DCHS2: variants seen among roughly 807,000 people sequenced by gnomAD.
DCHS2 encodes the protein protocadherin-23.
Under a neutral mutation model 182.4 loss-of-function variants are expected in DCHS2, and 142 were observed. The ratio of observed to expected loss-of-function variants is 0.78; its 90% CI spans 0.68 to 0.89. DCHS2 has a LOEUF of 0.89. Among genes scored for constraint, DCHS2 ranks in the 40% least tolerant of loss-of-function variants. The pLI, the probability that DCHS2 is intolerant of heterozygous loss-of-function variation, is 0.00. For missense variants in DCHS2, 4,319 were observed against 4,198.6 expected (o/e 1.03, Z -0.79); for synonymous variants, 1,740 against 1,663.3 (o/e 1.05, Z -1.12).
At position 154,333,309 on chromosome 4, in the gene DCHS2, T is replaced by C. The variant is rs1327103132; in HGVS notation, c.2899A>G (p.Ile967Val). The C allele has an allele frequency of 6.2e-7, 1 of 1,614,094 alleles. No individual in the cohort carries two copies. The highest frequency in any genetic ancestry group is 1.1e-5 in the South Asian group (1 of 91,082). Residue 967 changes from isoleucine (I) to valine (V), a missense_variant, in exon 5 of 20, where the codon ATA (isoleucine) becomes GTA (valine). Coordinates refer to ENST00000357232, the MANE Select transcript of DCHS2 (RefSeq NM_001358235.2). Reference protein sequence around the residue: ...APACSSTEVNITVMDVNDNHP... With the variant: ...APACSSTEVNVTVMDVNDNHP... ...TTGTCATTGACATCCATGACTGTTA[T>C]GTTGACCTCGGTGCTGCTGCAGGCT...
chr4:154,343,554 T>C (rs974070352), intron 3 of DCHS2: 1 of 1,528,934 alleles, frequency 6.5e-7, no homozygotes, highest in African/African-American at 1.4e-5. Flanking sequence ...CACTTTTAGG[T>C]AATGGAGATG....
chr4:154,414,239 A>G (rs1027236471), intron 1 of DCHS2, among the ~76,000 whole-genome samples: 9 of 151,818 alleles, frequency 5.9e-5, no homozygotes, highest in Non-Finnish European at 8.8e-5. Flanking sequence ...TCAGAGTGAT[A>G]TCTCTTTATG....
intron 16 of DCHS2, among the ~76,000 whole-genome samples, chr4:154,252,970 G>GAGAC (rs1732455906): frequency 6.6e-6 from 1 of 152,034 alleles, no homozygotes; most frequent in African/African-American, 2.4e-5. Context: ...GAAGCTAAAT[G>GAGAC]AGACTGTTTC....
intron 3 of DCHS2, among the ~76,000 whole-genome samples, chr4:154,352,224 ATCACCCCACAAG>A (rs1423987946): frequency 6.6e-6 from 1 of 152,202 alleles, no homozygotes; most frequent in African/African-American, 2.4e-5. Context: ...CGCTAGTGCC[ATCACCCCACAAG>A]TCACCCCAAC....
intron 1 of DCHS2, among the ~76,000 whole-genome samples, chr4:154,401,125 TG>T (rs1418305738): frequency 6.6e-6 from 1 of 152,254 alleles, no homozygotes; most frequent in Non-Finnish European, 1.5e-5. Context: ...AGATTAATTT[TG>T]CTCGTCCTTA....
intron 1 of DCHS2, among the ~76,000 whole-genome samples, chr4:154,484,920 T>A (rs534118554): frequency 2.0e-5 from 3 of 152,344 alleles, no homozygotes; most frequent in African/African-American, 7.2e-5. Flanking sequence ...CATTCCTACA[T>A]ACACACAAAA....
At chr4:154,445,651 A>C (rs994104462) in intron 1 of DCHS2, among the ~76,000 whole-genome samples, 5 of 152,142 alleles carry the variant, frequency 3.3e-5, no homozygotes, top group Non-Finnish European at 5.9e-5. Flanking sequence ...TCTACAAAAA[A>C]TAGAAAATAA....
rs980245243 is a variant in DCHS2, at chr4:154,434,036, A to G, written c.2052+55268T>C. Among the ~76,000 whole-genome samples, 7 of 152,376 alleles carry G rather than the reference A, an allele frequency of 4.6e-5. No individual in the cohort carries two copies. The East Asian group carries it at 1.3e-3, about 29-fold the overall frequency. ...ATAGATGAAGATAGTCAATCCAAAT[A>G]TCAGTCATAGACATGGATAAACGTC... On this transcript the variant is annotated intron_variant, in intron 1 of 19. Transcript: ENST00000357232.
chr4:154,346,214 T>C (rs1169449272), intron 3 of DCHS2, among the ~76,000 whole-genome samples: 1 of 152,208 alleles, frequency 6.6e-6, no homozygotes, highest in Non-Finnish European at 1.5e-5. Flanking sequence ...ATGTAGTCCA[T>C]AGCAGAAGAG....
In DCHS2 at chr4:154,237,126, A is replaced by G; in HGVS notation, c.7526T>C (p.Leu2509Pro). The G allele has an allele frequency of 1.2e-6, 2 of 1,613,378 alleles. No homozygotes were observed. The highest frequency in any genetic ancestry group is 2.2e-5 in the East Asian group (1 of 44,830). Residue 2509 changes from leucine to proline, a missense_variant, in exon 20 of 20, where the codon CTG (leucine) becomes CCG (proline). By Grantham distance (98) the Leu-to-Pro change is moderately conservative (BLOSUM62 -3). Coordinates refer to ENST00000357232, the MANE Select transcript of DCHS2 (RefSeq NM_001358235.2). ...TIFTISPVLL[L>P]DTISTTQFLV... ...AAATTGAGTTGTTGATATTGTATCC[A>G]GAAGTAATACGGGACTGATAGTAAA...
At chr4:154,420,757 A>C (rs1158545299) in intron 1 of DCHS2, among the ~76,000 whole-genome samples, 1 of 152,176 alleles carries the variant, frequency 6.6e-6, no homozygotes, top group African/African-American at 2.4e-5. Flanking sequence ...AAACACTCTC[A>C]CAGCCATACC....
intron 1 of DCHS2, among the ~76,000 whole-genome samples, chr4:154,455,776 T>C (rs35250442): frequency 0.18 from 27,584 of 152,188 alleles, 3,093 homozygotes; most frequent in Non-Finnish European, 0.27. Context: ...TACCATGCTA[T>C]AGGATTTACA....
chr4:154,315,555 A>G (rs1237816030), intron 10 of DCHS2, among the ~76,000 whole-genome samples, 193 bp downstream of exon 10: 1 of 152,160 alleles, frequency 6.6e-6, no homozygotes, highest in East Asian at 1.9e-4. Context: ...ATACAAGCAA[A>G]TCTTATGTGA....
chr4:154,441,315 A>T (rs1457469561), intron 1 of DCHS2, among the ~76,000 whole-genome samples: 1 of 152,232 alleles, frequency 6.6e-6, no homozygotes, highest in Non-Finnish European at 1.5e-5. Context: ...AGCAAAAAAG[A>T]TAACATTCTG....
At chr4:154,248,818 A>G (rs534076121) in intron 16 of DCHS2, among the ~76,000 whole-genome samples, 2 of 152,186 alleles carry the variant, frequency 1.3e-5, no homozygotes, top group African/African-American at 2.4e-5. Context: ...CAAAGCCAGC[A>G]AAAACAAGCA....
chr4:154,269,603 T>A, intron 14 of DCHS2: 1 of 253,096 alleles, frequency 4.0e-6, no homozygotes, highest in South Asian at 5.2e-5. Context: ...ATCTCACTAC[T>A]CTATCTCCAA....
At chr4:154,346,830 C>T (rs999886767) in intron 3 of DCHS2, among the ~76,000 whole-genome samples, 2 of 151,850 alleles carry the variant, frequency 1.3e-5, no homozygotes, top group East Asian at 1.9e-4. Flanking sequence ...AACCCATACT[C>T]CCCCTCTTGA....
chr4:154,403,896 C>T (rs1732294554), intron 1 of DCHS2, among the ~76,000 whole-genome samples: 1 of 152,122 alleles, frequency 6.6e-6, no homozygotes, highest in African/African-American at 2.4e-5. Flanking sequence ...AGTTTACATA[C>T]CCTTTTTAAG....
At chr4:154,447,109 C>T (rs572782901) in intron 1 of DCHS2, among the ~76,000 whole-genome samples, 7 of 151,930 alleles carry the variant, frequency 4.6e-5, no homozygotes, top group African/African-American at 1.7e-4. Context: ...CTGAACAACA[C>T]GGCGAAACCC....
Sources: gnomAD v4.1 joint callset for allele counts (sites outside exome capture counted in the v4.1 genomes callset) on GRCh38, gnomAD v4.1.1 for gene constraint, MANE v1.5 for transcripts, NCBI Gene and HGNC (gene_info 2026-07-23, HGNC 2026-07-21) for gene names.